ZNF420: variants seen among roughly 807,000 people sequenced by gnomAD.
The protein encoded by ZNF420 is zinc finger protein 420, also known as ATM and p53-associated KZNF protein.
In ZNF420, 31 loss-of-function variants were observed where a neutral mutation model predicts 44.7. The ratio of observed to expected loss-of-function variants is 0.69; its 90% confidence interval spans 0.52 to 0.94. ZNF420 has a LOEUF of 0.94. Among genes scored for constraint, ZNF420 ranks in the 40% least tolerant of loss-of-function variants. ZNF420 has a pLI of 0.00. For missense variants in ZNF420, 681 were observed against 827.9 expected (o/e 0.82, Z 2.18); for synonymous variants, 245 against 267.4 (o/e 0.92, Z 0.82).
chr19:37,078,785 GC>G (rs1369115784), intron 1 of ZNF420, among the ~76,000 whole-genome samples: 1 of 152,182 alleles, frequency 6.6e-6, no homozygotes, highest in Non-Finnish European at 1.5e-5. Flanking sequence ...GTGACTGTTT[GC>G]TTACCTGGCT....
chr19:37,054,471 G>A (rs138681040), intron 1 of ZNF420, among the ~76,000 whole-genome samples: 1 of 152,132 alleles, frequency 6.6e-6, no homozygotes, highest in Admixed American at 6.5e-5. Context: ...CTCTAGACTG[G>A]AGCTGTTCCT....
At chr19:37,034,155 T>C (rs1026341404) in intron 1 of ZNF420, among the ~76,000 whole-genome samples, 1 of 152,140 alleles carries the variant, frequency 6.6e-6, no homozygotes, top group African/African-American at 2.4e-5. Flanking sequence ...GGGTTCTGAT[T>C]TGGCTACATC....
At chr19:37,099,324 T>C (rs1969630713) in intron 4 of ZNF420, among the ~76,000 whole-genome samples, 1 of 152,176 alleles carries the variant, frequency 6.6e-6, no homozygotes, top group South Asian at 2.1e-4. Flanking sequence ...TCCCCCTTTT[T>C]CCACATTTTT....
chr19:37,127,857 C>G lies in ZNF420; in HGVS notation c.866C>G (p.Thr289Ser). 6.2e-7 allele frequency: 1 copy of G among 1,613,774 alleles called. No homozygotes were observed. The highest frequency in any genetic ancestry group is 1.1e-5 in the South Asian group (1 of 91,058). The change falls in exon 5 of 5, where the codon ACT (threonine) becomes AGT (serine). Residue 289 changes from threonine to serine, a missense_variant. By Grantham distance (58) the Thr-to-Ser change is moderately conservative. This residue lies in a region of ZNF420 where 350 missense variants were observed against 382.5 expected (regional missense o/e 0.92). Transcript: ENST00000337995. ...TGTAAAGAATGTAGGAAGGTCTTTA[C>G]TCAGCTCTCACAACTTATTCTGCAT... ...YECKECRKVF[T>S]QLSQLILHKR...
intron 1 of ZNF420, among the ~76,000 whole-genome samples, chr19:37,053,468 G>T (rs968279330): frequency 6.6e-6 from 1 of 152,152 alleles, no homozygotes; most frequent in Non-Finnish European, 1.5e-5. Flanking sequence ...TTTCTGCTCT[G>T]TTTTTTCCCC....
At chr19:37,116,472 G>A (rs1031988430) in intron 4 of ZNF420, among the ~76,000 whole-genome samples, 1 of 152,072 alleles carries the variant, frequency 6.6e-6, no homozygotes, top group African/African-American at 2.4e-5. Flanking sequence ...GAAAATATGG[G>A]TGGAGCCAAG....
intron 4 of ZNF420, among the ~76,000 whole-genome samples, chr19:37,119,436 A>G (rs891752654): frequency 5.3e-5 from 8 of 152,236 alleles, no homozygotes; most frequent in African/African-American, 1.9e-4. Context: ...GAACAAAGAC[A>G]CAACATACCA....
At chr19:37,069,717 C>A (rs914908303) in intron 1 of ZNF420, among the ~76,000 whole-genome samples, 8 of 151,910 alleles carry the variant, frequency 5.3e-5, no homozygotes, top group Non-Finnish European at 1.0e-4. Flanking sequence ...GGCTTTTACA[C>A]CATCATAAAG....
intron 4 of ZNF420, among the ~76,000 whole-genome samples, chr19:37,121,697 A>C (rs1052248793): frequency 6.6e-6 from 1 of 152,194 alleles, no homozygotes; most frequent in Non-Finnish European, 1.5e-5. Flanking sequence ...CAACCAACAA[A>C]ATGGTAGAAA....
rs1968367878 is a variant in ZNF420, at chr19:37,080,346, G to A, written c.-123G>A. 6.5e-6 allele frequency: 1 copy of A among 152,736 alleles called. No individual in the cohort carries two copies. Among genetic ancestry groups the A allele is most frequent in the Middle Eastern group, 3.4e-3 (1 of 294 alleles). 9.5% of individuals were successfully genotyped at this position (152,736 alleles called of 1,614,324 possible). A position where few individuals can be genotyped will look rare whatever the true frequency, so the allele number is the denominator to read the frequency against. On this transcript the variant is annotated splice_region_variant and 5_prime_UTR_variant, in exon 2 of 5. Coordinates refer to ENST00000337995, the MANE Select transcript of ZNF420 (RefSeq NM_144689.5). ...CCATTTTTCTTTTTCTGAGAGTAGA[G>A]CCCAGAGGAGAAAGAATGGCTGTTT...
At chr19:37,057,030 A>G (rs1967768459) in intron 1 of ZNF420, among the ~76,000 whole-genome samples, 1 of 152,252 alleles carries the variant, frequency 6.6e-6, no homozygotes, top group Non-Finnish European at 1.5e-5. Context: ...CAATTCTCCC[A>G]TCACAGTGAG....
chr19:37,041,978 ATTTTCTT>A (rs764455960), intron 1 of ZNF420, among the ~76,000 whole-genome samples: 1 of 151,928 alleles, frequency 6.6e-6, no homozygotes, highest in Non-Finnish European at 1.5e-5. Context: ...TCCAGCGTCT[ATTTTCTT>A]TTTTCTTTTA....
At chr19:37,103,162 C>T (rs1192806467) in intron 4 of ZNF420, among the ~76,000 whole-genome samples, 2 of 151,922 alleles carry the variant, frequency 1.3e-5, no homozygotes, top group South Asian at 2.1e-4. Flanking sequence ...GGATTTCACA[C>T]AAAGTTTCTT....
At chr19:37,011,240 T>C (rs2074566882) in intron 1 of ZNF420, among the ~76,000 whole-genome samples, 1 of 152,200 alleles carries the variant, frequency 6.6e-6, no homozygotes, top group East Asian at 1.9e-4. Context: ...TCCAAACCCG[T>C]TTCTGGTGGA....
chr19:37,115,340 C>T (rs547685273), intron 4 of ZNF420, among the ~76,000 whole-genome samples: 24 of 152,142 alleles, frequency 1.6e-4, no homozygotes, highest in Admixed American at 8.5e-4. Context: ...ACGGAGGACC[C>T]GCGCCAGCAC....
intron 4 of ZNF420, among the ~76,000 whole-genome samples, chr19:37,103,967 ATTTTTTTTTTGTCTT>A (rs1161038068): frequency 2.1e-5 from 3 of 144,272 alleles, no homozygotes; most frequent in Admixed American, 6.9e-5. Context: ...CTCTTCTCTC[ATTTTTTTTTTGTCTT>A]TTTTTTTTTT....
At chr19:37,056,859 C>G (rs1290798994) in intron 1 of ZNF420, among the ~76,000 whole-genome samples, 1 of 152,190 alleles carries the variant, frequency 6.6e-6, no homozygotes, top group Non-Finnish European at 1.5e-5. Context: ...AGCCCTCTCT[C>G]CCACGTCGCC....
intron 1 of ZNF420, among the ~76,000 whole-genome samples, chr19:37,011,678 T>C (rs962752526): frequency 6.6e-6 from 1 of 152,088 alleles, no homozygotes; most frequent in African/African-American, 2.4e-5. Flanking sequence ...CTTGACGTTG[T>C]TGGGGAGGTC....
chr19:37,110,697 G>A (rs1353852410), intron 4 of ZNF420, among the ~76,000 whole-genome samples: 1 of 152,128 alleles, frequency 6.6e-6, no homozygotes, highest in Non-Finnish European at 1.5e-5. Flanking sequence ...TTATAACACT[G>A]TAATGACTGC....
Sources: gnomAD v4.1 joint callset for allele counts (sites outside exome capture counted in the v4.1 genomes callset) on GRCh38, gnomAD v4.1.1 for gene constraint, gnomAD v4.1.1 regional missense constraint, MANE v1.5 for transcripts, NCBI Gene and HGNC (gene_info 2026-07-23, HGNC 2026-07-21) for gene names.